Variants in UNC80 observed in about 807,000 individuals in gnomAD.
UNC80 encodes the protein unc-80 subunit of NALCN channel complex.
A neutral mutation model predicts 384.6 loss-of-function variants in UNC80; 164 were observed. The observed-to-expected ratio is 0.43, with a 90% confidence interval of 0.38 to 0.49. UNC80 has a LOEUF of 0.49. UNC80 is among the 20% of genes least tolerant of loss of function. The pLI is 0.00. For synonymous variants in UNC80, 1,486 were observed against 1,527.8 expected (o/e 0.97, Z 0.64); for missense variants, 3,330 against 4,143.0 (o/e 0.80, Z 5.39).
chr2:209,848,913 TG>T (rs1481159355), intron 21 of UNC80, among the ~76,000 whole-genome samples: 1 of 152,004 alleles, frequency 6.6e-6, no homozygotes, highest in East Asian at 1.9e-4. Flanking sequence ...ATTGTTAGAG[TG>T]GTAACCCTAA....
chr2:209,871,470 G>A (rs1417249409), intron 22 of UNC80, among the ~76,000 whole-genome samples: 1 of 152,086 alleles, frequency 6.6e-6, no homozygotes, highest in African/African-American at 2.4e-5. Flanking sequence ...GTCTATGTTA[G>A]CCTCTATTTT....
chr2:209,905,201 A>G (rs898825459), intron 29 of UNC80, among the ~76,000 whole-genome samples: 1 of 152,200 alleles, frequency 6.6e-6, no homozygotes, highest in Non-Finnish European at 1.5e-5. Flanking sequence ...ATATGACTGC[A>G]TAGGGATGAT....
In UNC80 at chr2:209,820,595, T is replaced by TGGAGGAGGTGGAGGAGGTGATGGA. The variant is rs1327569373; in HGVS notation, c.2267_2290dup (p.Asp756_Gly763dup). ...GAGGAGAAGAAGGAGGAGGTGGAGA[T>TGGAGGAGGTGGAGGAGGTGATGGA]GGAGGAGGTGGAGGAGGTGATGGAG... On this transcript the variant is annotated inframe_insertion, in exon 13 of 65. Transcript: ENST00000673920. 6.5e-7 allele frequency: 1 copy of TGGAGGAGGTGGAGGAGGTGATGGA among 1,547,454 alleles called. No homozygotes were observed. The highest frequency in any genetic ancestry group is 1.2e-5 in the South Asian group (1 of 83,884).
chr2:209,777,565 C>G lies in UNC80; in HGVS notation c.600+6C>G, dbSNP rs1185223126. 6.3e-7 allele frequency: 1 copy of G among 1,597,348 alleles called. No individual in the cohort carries two copies. The highest frequency in any genetic ancestry group is 8.5e-7 in the Non-Finnish European group (1 of 1,171,476). ...CCCTGGTACACAGGATCAAGGTAAG[C>G]AGAAACCCAGTGTTAGAGCTGGAGT... On this transcript the variant is annotated splice_donor_region_variant and intron_variant, in intron 4 of 64. Coordinates refer to ENST00000673920, the MANE Select transcript of UNC80 (RefSeq NM_001371986.1).
At chr2:209,884,382 A>G (rs1466956622) in intron 25 of UNC80, among the ~76,000 whole-genome samples, 1 of 152,186 alleles carries the variant, frequency 6.6e-6, no homozygotes, top group Non-Finnish European at 1.5e-5. Flanking sequence ...TGTTACAGAA[A>G]ACAGCATATT....
At chr2:209,818,097 A>G in intron 11 of UNC80, 145 bp downstream of exon 11, 1 of 988,126 alleles carries the variant, frequency 1.0e-6, no homozygotes, top group East Asian at 2.6e-5. Context: ...TTTGTTAGCC[A>G]TTCTTAGCAT....
intron 22 of UNC80, among the ~76,000 whole-genome samples, chr2:209,857,412 A>T (rs1231067984): frequency 6.6e-6 from 1 of 152,174 alleles, no homozygotes; most frequent in Non-Finnish European, 1.5e-5. Context: ...GTTGGCATAA[A>T]ATTGCTGAGA....
In UNC80 at chr2:209,967,476, A is replaced by G. The variant is rs771328908; in HGVS notation, c.7845A>G (p.Pro2615=). The stretch of plus-strand genomic sequence containing the variant: ...CACACTCCCTTCTGAAGCTGGCACC[A>G]TATGACACTCAGACAATGGAGAGTC... The part of the protein sequence containing the change: ...EIAHSLLKLA[P]YDTQTMESRG... The change falls in exon 52 of 65, where the codon CCA becomes CCG. Residue 2615 remains proline, a synonymous_variant. Transcript: ENST00000673920. The G allele has an allele frequency of 1.9e-6, 3 of 1,551,518 alleles. No homozygotes were observed. The highest frequency in any genetic ancestry group is 2.0e-5 in the Admixed American group (1 of 50,988).
At chr2:209,954,308 A>G in intron 48 of UNC80, 38 bp downstream of exon 48, 6 of 1,388,426 alleles carry the variant, frequency 4.3e-6, no homozygotes, top group Non-Finnish European at 3.8e-6. Context: ...GCCTTACATC[A>G]TATGTTTCCA....
chr2:209,935,626 C>A, intron 39 of UNC80, 88 bp from the exon 40 acceptor site: 1 of 560,952 alleles, frequency 1.8e-6, no homozygotes, highest in South Asian at 4.0e-5. Flanking sequence ...AAAACATCAG[C>A]TTATTGATAA....
intron 2 of UNC80, 115 bp downstream of exon 2, chr2:209,773,257 T>A: frequency 1.1e-6 from 1 of 883,894 alleles, no homozygotes; most frequent in Non-Finnish European, 1.8e-6. Context: ...GCAAATATTA[T>A]TGATCACCCA....
chr2:209,899,001 T>C (rs551124564), intron 28 of UNC80, among the ~76,000 whole-genome samples: 2 of 152,354 alleles, frequency 1.3e-5, no homozygotes, highest in South Asian at 4.1e-4. Context: ...TGTACCACAT[T>C]TTCTTTGTTC....
intron 54 of UNC80, 24 bp downstream of exon 54, chr2:209,970,981 C>A: frequency 6.5e-7 from 1 of 1,544,992 alleles, no homozygotes. Flanking sequence ...ACCTGTTTGT[C>A]ACGCTCATTA....
At chr2:209,812,354 C>A (rs1228954736) in intron 7 of UNC80, among the ~76,000 whole-genome samples, 1 of 152,046 alleles carries the variant, frequency 6.6e-6, no homozygotes, top group East Asian at 1.9e-4. Context: ...GCCACCGCGC[C>A]TGGCACCATA....
At chr2:209,956,771 C>T (rs1244851748) in intron 48 of UNC80, among the ~76,000 whole-genome samples, 1 of 152,082 alleles carries the variant, frequency 6.6e-6, no homozygotes, top group East Asian at 1.9e-4. Flanking sequence ...TATGCAGATA[C>T]TCCCCCTTTT....
intron 35 of UNC80, among the ~76,000 whole-genome samples, chr2:209,923,077 C>A (rs2090160535): frequency 6.6e-6 from 1 of 152,126 alleles, no homozygotes; most frequent in African/African-American, 2.4e-5. Flanking sequence ...CAAATATTTT[C>A]TCCCATTTCG....
Position 209,992,225 on chromosome 2 carries a change from G to A in UNC80, c.9374G>A (p.Gly3125Glu). The part of the protein sequence containing the change: ...QQNLLVQQPL[G>E]RKRGLRQLRR... ...AACCTCCTTGTTCAGCAGCCGCTGGGGAGGAAGAGGGGCCTGAGGCAGGTA... is the reference window on the plus strand; with the variant it reads ...AACCTCCTTGTTCAGCAGCCGCTGGAGAGGAAGAGGGGCCTGAGGCAGGTA... The change falls in exon 62 of 65, where the codon GGG becomes GAG. Residue 3125 changes from glycine to glutamate, a missense_variant. By Grantham distance (98) the Gly-to-Glu change is moderately conservative. Around this residue, in one of 8 missense-constraint regions of UNC80, gnomAD observed 236 missense variants for 254.9 expected, o/e 0.93. Coordinates refer to ENST00000673920, the MANE Select transcript of UNC80 (RefSeq NM_001371986.1). 6.4e-7 allele frequency: 1 copy of A among 1,551,596 alleles called. No homozygotes were observed. Among genetic ancestry groups the A allele is most frequent in the African/African-American group, 1.4e-5 (1 of 73,152 alleles).
chr2:209,786,639 T>C (rs1363019050), intron 5 of UNC80, among the ~76,000 whole-genome samples: 1 of 152,084 alleles, frequency 6.6e-6, no homozygotes, highest in African/African-American at 2.4e-5. Context: ...GCATTTCTCT[T>C]CAGGAATTAT....
At chr2:209,961,337 A>C (rs1455041231) in intron 51 of UNC80, 1 of 152,212 alleles carries the variant, frequency 6.6e-6, no homozygotes, top group Non-Finnish European at 1.5e-5. Flanking sequence ...TATGTTAAAC[A>C]CTGGGGATGT....
Sources: gnomAD v4.1 joint callset for allele counts (sites outside exome capture counted in the v4.1 genomes callset) on GRCh38, gnomAD v4.1.1 for gene constraint, gnomAD v4.1.1 regional missense constraint, MANE v1.5 for transcripts, NCBI Gene and HGNC (gene_info 2026-07-23, HGNC 2026-07-21) for gene names.